The following MBOAT1 variants were observed in gnomAD, a reference collection of about 807,000 sequenced individuals.
MBOAT1 encodes membrane bound glycerophospholipid O-acyltransferase 1.
A neutral mutation model predicts 64.4 loss-of-function variants in MBOAT1; 67 were observed. That is an observed-to-expected ratio of 1.04 (90% confidence interval 0.85 to 1.27). The LOEUF is 1.27. Ranked by LOEUF, MBOAT1 falls within the 50% of genes most tolerant of loss-of-function variation. The pLI is 0.00. For synonymous variants in MBOAT1, 229 were observed against 218.9 expected, an observed-to-expected ratio of 1.05 and a Z score of -0.41; for missense variants, 563 against 604.6, an observed-to-expected ratio of 0.93 and a Z score of 0.72.
At chr6:20,179,067 A>T (rs1762434034) in intron 1 of MBOAT1, among the ~76,000 whole-genome samples, 1 of 152,032 alleles carries the variant, frequency 6.6e-6, no homozygotes, top group African/African-American at 2.4e-5. Flanking sequence ...AGCATTCATT[A>T]GTTATTCTTC....
intron 1 of MBOAT1, among the ~76,000 whole-genome samples, chr6:20,210,359 C>T (rs201750224): frequency 1.3e-5 from 2 of 152,088 alleles, no homozygotes. Flanking sequence ...TCCAAACTCG[C>T]AAGCCACAAC....
chr6:20,209,590 T>C (rs1038714666), intron 1 of MBOAT1, among the ~76,000 whole-genome samples: 2 of 152,184 alleles, frequency 1.3e-5, no homozygotes, highest in East Asian at 3.8e-4. Context: ...GGAATTAGGA[T>C]GTTAAGACAT....
intron 3 of MBOAT1, among the ~76,000 whole-genome samples, chr6:20,147,923 A>G (rs1761374007): frequency 6.6e-6 from 1 of 152,224 alleles, no homozygotes; most frequent in African/African-American, 2.4e-5. Flanking sequence ...GGCACAAAGG[A>G]CAGACTCCAG....
chr6:20,115,966 A>T (rs1760306284), intron 9 of MBOAT1, among the ~76,000 whole-genome samples: 1 of 150,702 alleles, frequency 6.6e-6, no homozygotes, highest in East Asian at 2.0e-4. Context: ...GACATCCCAC[A>T]ATAACCCATT....
intron 1 of MBOAT1, among the ~76,000 whole-genome samples, chr6:20,178,162 G>C (rs141212626): frequency 1.3e-5 from 2 of 152,148 alleles, no homozygotes; most frequent in Non-Finnish European, 2.9e-5. Flanking sequence ...TTTCAATGGC[G>C]TAAACTTAAA....
intron 1 of MBOAT1, among the ~76,000 whole-genome samples, chr6:20,204,235 G>A (rs917051599): frequency 7.2e-5 from 11 of 151,876 alleles, no homozygotes; most frequent in Non-Finnish European, 1.5e-5. Context: ...CTCAGGAGAG[G>A]CCCAGAGATG....
intron 1 of MBOAT1, among the ~76,000 whole-genome samples, chr6:20,205,690 G>A (rs1325026323): frequency 1.3e-5 from 2 of 152,086 alleles, no homozygotes; most frequent in East Asian, 3.9e-4. Flanking sequence ...TGTGGACCTG[G>A]GGGTTTATAC....
chr6:20,134,296 CTAAT>C (rs1411407813), intron 4 of MBOAT1, among the ~76,000 whole-genome samples: 5 of 151,858 alleles, frequency 3.3e-5, no homozygotes, highest in Admixed American at 3.3e-4. Flanking sequence ...TCAATAAATA[CTAAT>C]TATTCAATAT....
chr6:20,103,805 A>C (rs2113621017), intron 12 of MBOAT1, among the ~76,000 whole-genome samples: 1 of 152,330 alleles, frequency 6.6e-6, no homozygotes, highest in Admixed American at 6.5e-5. Context: ...AAGTAAAGAA[A>C]GTTACAGGAA....
In MBOAT1 at chr6:20,158,085, G is replaced by A. The variant is rs111967119; in HGVS notation, c.100-5316C>T. 2.1e-3 allele frequency among the ~76,000 whole-genome samples: 310 copies of A among 149,784 alleles called. 1 individual carries two copies. Among genetic ancestry groups the A allele is most frequent in the African/African-American group, 7.2e-3 (293 of 40,764 alleles). ...GCAGGACAATCGCTGGAACCTGGCA[G>A]ACAGAGGTTACAGTGAGGCAAGATC... On this transcript the variant is annotated intron_variant, in intron 1 of 12. Coordinates refer to ENST00000324607, the MANE Select transcript of MBOAT1 (RefSeq NM_001080480.3).
intron 11 of MBOAT1, among the ~76,000 whole-genome samples, chr6:20,111,835 C>CATATAGAT: frequency 1.2e-5 from 1 of 86,788 alleles, no homozygotes; most frequent in African/African-American, 4.1e-5. Context: ...CATATATATA[C>CATATAGAT]ACATATATAT....
chr6:20,147,532 G>A (rs1471980551), intron 3 of MBOAT1, among the ~76,000 whole-genome samples: 1 of 152,140 alleles, frequency 6.6e-6, no homozygotes. Context: ...CCAGCCTCTT[G>A]GGAGGCTTAG....
At chr6:20,171,382 T>TAA (rs34821586) in intron 1 of MBOAT1, among the ~76,000 whole-genome samples, 119 of 113,304 alleles carry the variant, frequency 1.1e-3, no homozygotes, top group Middle Eastern at 4.3e-3. Flanking sequence ...ACAAAAAACT[T>TAA]AAAAAAAAAA....
chr6:20,100,474 G>A lies in MBOAT1; in HGVS notation c.*1812C>T, dbSNP rs1014577139. Among the ~76,000 whole-genome samples the A allele has an allele frequency of 2.6e-5, 4 of 152,144 alleles. No homozygotes were observed. Among genetic ancestry groups the A allele is most frequent in the African/African-American group, 4.8e-5 (2 of 41,430 alleles). On this transcript the variant is annotated 3_prime_UTR_variant, in exon 13 of 13. Coordinates refer to ENST00000324607, the MANE Select transcript of MBOAT1 (RefSeq NM_001080480.3). ...CAAGATTTCCTTGTTAAAGTGGGGTGAGACTCATGCACTAGCTCACATCTA... is the reference window on the plus strand; with the variant it reads ...CAAGATTTCCTTGTTAAAGTGGGGTAAGACTCATGCACTAGCTCACATCTA...
intron 1 of MBOAT1, among the ~76,000 whole-genome samples, chr6:20,165,563 T>C (rs1021735371): frequency 1.3e-5 from 2 of 151,920 alleles, no homozygotes; most frequent in African/African-American, 4.8e-5. Context: ...TCCAATATGG[T>C]GAAACCCCAT....
chr6:20,112,204 C>T (rs1307647040), intron 11 of MBOAT1, among the ~76,000 whole-genome samples: 1 of 151,896 alleles, frequency 6.6e-6, no homozygotes, highest in Non-Finnish European at 1.5e-5. Flanking sequence ...AGCACTGAAT[C>T]GCAATTACTT....
intron 1 of MBOAT1, among the ~76,000 whole-genome samples, chr6:20,182,051 G>A (rs1178342375): frequency 6.6e-6 from 1 of 152,132 alleles, no homozygotes; most frequent in South Asian, 2.1e-4. Context: ...CAAATTCCTT[G>A]GTTATAAAAT....
chr6:20,128,652 T>C (rs371535281), intron 6 of MBOAT1, 47 bp downstream of exon 6: 7 of 1,393,966 alleles, frequency 5.0e-6, no homozygotes, highest in Admixed American at 2.1e-5. Context: ...AATCTCTAGA[T>C]ACTGATATGC....
intron 1 of MBOAT1, among the ~76,000 whole-genome samples, chr6:20,201,878 G>A (rs767508734): frequency 2.4e-4 from 36 of 151,620 alleles, no homozygotes; most frequent in Admixed American, 1.2e-3. Flanking sequence ...CACCCTGCCC[G>A]GCTGGAAAAG....
Sources: gnomAD v4.1 joint callset for allele counts (sites outside exome capture counted in the v4.1 genomes callset) on GRCh38, gnomAD v4.1.1 for gene constraint, MANE v1.5 for transcripts, NCBI Gene and HGNC (gene_info 2026-07-23, HGNC 2026-07-21) for gene names.